The following PDHX variants were observed in gnomAD, a reference collection of about 807,000 sequenced individuals.
PDHX encodes pyruvate dehydrogenase complex component X, also known as pyruvate dehydrogenase protein X component, mitochondrial.
PDHX carries 33 observed loss-of-function variants against 55.3 expected under a neutral mutation model. The observed-to-expected ratio is 0.60, with a 90% confidence interval of 0.45 to 0.80. The LOEUF (loss-of-function observed/expected upper bound fraction) is 0.80. PDHX is among the 30% of genes least tolerant of loss of function. The pLI, the probability that PDHX is intolerant of heterozygous loss-of-function variation, is 0.00. For missense variants in PDHX, 622 were observed against 619.9 expected (o/e 1.00, Z -0.04); for synonymous variants, 226 against 219.4 (o/e 1.03, Z -0.27).
At chr11:34,975,294 T>C (rs1429545132) in intron 7 of PDHX, among the ~76,000 whole-genome samples, 1 of 152,150 alleles carries the variant, frequency 6.6e-6, no homozygotes, top group African/African-American at 2.4e-5. Flanking sequence ...TTGTCTTCCT[T>C]TAATTGTGAA....
At chr11:34,939,468 GGTGTGTGTGTGT>G (rs68165754) in intron 2 of PDHX, among the ~76,000 whole-genome samples, 73 of 149,166 alleles carry the variant, frequency 4.9e-4, no homozygotes, top group Middle Eastern at 3.4e-3. Flanking sequence ...TTTTACTAAT[GGTGTGTGTGTGT>G]GTGTGTGTGT....
At chr11:34,980,348 G>GTTTTTTTTTTTTTTTTT (rs1319243948) in intron 8 of PDHX, among the ~76,000 whole-genome samples, 20 of 30,522 alleles carry the variant, frequency 6.6e-4, no homozygotes, top group African/African-American at 1.3e-3. Context: ...GTTTAAGATA[G>GTTTTTTTTTTTTTTTTT]TTTCTTTTTT....
intron 10 of PDHX, among the ~76,000 whole-genome samples, chr11:34,994,350 A>G (rs2134007921): frequency 6.6e-6 from 1 of 152,344 alleles, no homozygotes; most frequent in East Asian, 1.9e-4. Context: ...AAAAATGTAA[A>G]AAGTAAAACA....
intron 1 of PDHX, among the ~76,000 whole-genome samples, chr11:34,923,361 T>C (rs1453915659): frequency 6.6e-6 from 1 of 152,168 alleles, no homozygotes; most frequent in Non-Finnish European, 1.5e-5. Flanking sequence ...CTTGGGAATA[T>C]ATTAGCCCTG....
intron 2 of PDHX, among the ~76,000 whole-genome samples, chr11:34,945,286 T>C (rs1279581905): frequency 6.6e-6 from 1 of 152,184 alleles, no homozygotes; most frequent in Admixed American, 6.5e-5. Flanking sequence ...CCTCAAACAT[T>C]ACTTTAAAAA....
Position 34,960,646 on chromosome 11 carries a change from T to G in PDHX, c.641+128T>G, listed in dbSNP as rs1365247404. On this transcript the variant is annotated intron_variant, in intron 5 of 10. Coordinates refer to ENST00000227868, the MANE Select transcript of PDHX (RefSeq NM_003477.3). ...AGGTACACTGTTCTTCTTTTGTACT[T>G]TTAATTGCTTTTATCATTGTAAATT... The G allele has an allele frequency of 6.7e-6, 4 of 599,704 alleles. No individual in the cohort carries two copies. In the Admixed American group the frequency reaches 1.2e-4, roughly 18 times the overall value. 37.1% of individuals were successfully genotyped at this position (599,704 alleles called of 1,614,324 possible).
At chr11:34,933,118 G>A (rs1301933309) in intron 2 of PDHX, among the ~76,000 whole-genome samples, 1 of 152,190 alleles carries the variant, frequency 6.6e-6, no homozygotes, top group African/African-American at 2.4e-5. Flanking sequence ...ACTGGAAGCT[G>A]GACTTCTGAA....
intron 1 of PDHX, among the ~76,000 whole-genome samples, chr11:34,929,315 TCTC>T (rs1273721864): frequency 6.6e-6 from 1 of 152,140 alleles, no homozygotes; most frequent in Admixed American, 6.6e-5. Context: ...ACTGCAACCA[TCTC>T]CTCCCAGATT....
intron 9 of PDHX, among the ~76,000 whole-genome samples, chr11:34,986,307 CAAAAA>C (rs755119406): frequency 1.5e-5 from 1 of 65,116 alleles, no homozygotes; most frequent in Non-Finnish European, 4.1e-5. Flanking sequence ...CACTGTATCT[CAAAAA>C]AAAAAAAAAA....
intron 5 of PDHX, among the ~76,000 whole-genome samples, chr11:34,965,624 T>C (rs940622337): frequency 2.0e-5 from 3 of 152,116 alleles, no homozygotes; most frequent in African/African-American, 4.8e-5. Context: ...AGGGATGATA[T>C]GGGGCATGTA....
At chr11:34,945,396 G>A (rs982663832) in intron 2 of PDHX, among the ~76,000 whole-genome samples, 22 of 152,184 alleles carry the variant, frequency 1.4e-4, no homozygotes, top group African/African-American at 5.3e-4. Flanking sequence ...ACTGCATCTT[G>A]TAAGAGCTTT....
intron 8 of PDHX, among the ~76,000 whole-genome samples, chr11:34,982,162 T>G (rs1197101105): frequency 3.9e-5 from 6 of 152,220 alleles, no homozygotes; most frequent in Non-Finnish European, 8.8e-5. Context: ...TTAATCCATC[T>G]TGAATTAATT....
chr11:34,971,474 T>C (rs1240906994), intron 7 of PDHX, among the ~76,000 whole-genome samples: 1 of 152,176 alleles, frequency 6.6e-6, no homozygotes, highest in East Asian at 1.9e-4. Flanking sequence ...TTTCCATTCC[T>C]AACTTGCAGA....
At chr11:34,987,551 G>A (rs1855673237) in intron 9 of PDHX, among the ~76,000 whole-genome samples, 2 of 151,854 alleles carry the variant, frequency 1.3e-5, no homozygotes, top group South Asian at 2.1e-4. Flanking sequence ...TGCAAAATTA[G>A]TTTTTTGTTG....
intron 8 of PDHX, among the ~76,000 whole-genome samples, chr11:34,980,628 A>G (rs949728958): frequency 1.3e-5 from 2 of 152,134 alleles, no homozygotes; most frequent in Non-Finnish European, 2.9e-5. Context: ...TTCTTTTAAC[A>G]TAATGATATT....
intron 9 of PDHX, among the ~76,000 whole-genome samples, chr11:34,988,880 T>C (rs1384225346): frequency 6.6e-6 from 1 of 152,250 alleles, no homozygotes; most frequent in African/African-American, 2.4e-5. Flanking sequence ...TTTAGAGTTA[T>C]AATTGTTCTG....
rs370694756 is a variant in PDHX at position 34,984,736 on chromosome 11, T to G, written c.1182+8T>G. On this transcript the variant is annotated splice_region_variant and intron_variant, in intron 9 of 10. Transcript: ENST00000227868. ...ATTGCTGACTCTGTAAAGGTATGTC[T>G]TAAGAAAGAGTGTGCTTTCAAAATG... 91 of 1,613,132 alleles carry G rather than the reference T, an allele frequency of 5.6e-5. No individual in the cohort carries two copies. The African/African-American group carries it at 9.6e-4, about 17-fold the overall frequency.
intron 3 of PDHX, among the ~76,000 whole-genome samples, chr11:34,952,859 G>A (rs1301287205): frequency 6.7e-6 from 1 of 149,992 alleles, no homozygotes; most frequent in Non-Finnish European, 1.5e-5. Flanking sequence ...GGCAGGAGAA[G>A]TAAATAAAGG....
At chr11:34,916,044 G>C, upstream of PDHX, 1 of 743,196 alleles carries the variant, frequency 1.3e-6, no homozygotes, top group South Asian at 1.9e-5. Context: ...CTGATCTCCT[G>C]GGGCCTCGCA....
Sources: gnomAD v4.1 joint callset for allele counts (sites outside exome capture counted in the v4.1 genomes callset) on GRCh38, gnomAD v4.1.1 for gene constraint, MANE v1.5 for transcripts, NCBI Gene and HGNC (gene_info 2026-07-23, HGNC 2026-07-21) for gene names.